Variants in TRPS1 observed in about 807,000 individuals in gnomAD.
The protein encoded by TRPS1 is transcriptional repressor GATA binding 1, also known as zinc finger transcription factor Trps1.
A neutral mutation model predicts 101.2 loss-of-function variants in TRPS1; 6 were observed. The ratio of observed to expected loss-of-function variants is 0.06; its 90% CI spans 0.03 to 0.12. The LOEUF (loss-of-function observed/expected upper bound fraction) is 0.12. Ranked by LOEUF, TRPS1 falls within the 10% of genes least tolerant of loss-of-function variation. TRPS1 has a pLI of 1.00. For synonymous variants in TRPS1, 578 were observed against 589.8 expected (o/e 0.98, Z 0.29); for missense variants, 1,363 against 1,567.0 (o/e 0.87, Z 2.20).
At chr8:115,544,011 G>C (rs1366957833) in intron 5 of TRPS1, among the ~76,000 whole-genome samples, 1 of 151,920 alleles carries the variant, frequency 6.6e-6, no homozygotes, top group East Asian at 1.9e-4. Context: ...CAAGACAAAA[G>C]TGAACAAGAA....
chr8:115,433,089 TTTGAA>T lies in TRPS1; in HGVS notation c.2701-14642_2701-14638del, dbSNP rs549006159. Among the ~76,000 whole-genome samples the T allele has an allele frequency of 5.9e-4, 90 of 151,980 alleles. 1 individual carries two copies. Among genetic ancestry groups the T allele is most frequent in the Non-Finnish European group, 1.1e-3 (78 of 67,912 alleles). ...CAGTTAAGAAGTGATATAGAAAGAA[TTTGAA>T]AATATCACCATAAAGTTTGTTAATA... On this transcript the variant is annotated intron_variant, in intron 5 of 6. Transcript: ENST00000395715.
At chr8:115,440,842 T>C (rs1189919511) in intron 5 of TRPS1, among the ~76,000 whole-genome samples, 1 of 152,228 alleles carries the variant, frequency 6.6e-6, no homozygotes, top group East Asian at 1.9e-4. Flanking sequence ...GTTTTTCTTT[T>C]GAAGTCTGCT....
At chr8:115,499,497 C>CA (rs1336118597) in intron 5 of TRPS1, among the ~76,000 whole-genome samples, 1 of 151,982 alleles carries the variant, frequency 6.6e-6, no homozygotes, top group East Asian at 1.9e-4. Context: ...CTGGTGAAGA[C>CA]AAAATCTTCT....
At chr8:115,472,497 T>C (rs1814497902) in intron 5 of TRPS1, among the ~76,000 whole-genome samples, 1 of 152,196 alleles carries the variant, frequency 6.6e-6, no homozygotes, top group South Asian at 2.1e-4. Context: ...GCCTCTGACA[T>C]ACCCTGGAGA....
chr8:115,595,225 G>A (rs1417698400), intron 4 of TRPS1, among the ~76,000 whole-genome samples: 1 of 151,886 alleles, frequency 6.6e-6, no homozygotes, highest in Non-Finnish European at 1.5e-5. Flanking sequence ...AATAAAGTTA[G>A]TCATTTTTGT....
Position 115,619,920 on chromosome 8 carries a change from C to A in TRPS1, c.178G>T (p.Asp60Tyr). The A allele has an allele frequency of 2.5e-6, 4 of 1,614,190 alleles. No homozygotes were observed. In the South Asian group the frequency reaches 3.3e-5, roughly 13 times the overall value. ...FSADQMSENT[D>Y]QSDAAELNHK... ...TTTAGTTCTGCAGCATCACTCTGAT[C>A]CGTATTTTCTGACATCTGATCTGCA... is the stretch of plus-strand genomic sequence containing the variant. Residue 60 changes from aspartate to tyrosine, a missense_variant, in exon 3 of 7, where the codon GAT becomes TAT. Around this residue, in one of 5 missense-constraint regions of TRPS1, gnomAD observed 1,020 missense variants for 1,073.0 expected, o/e 0.95. Coordinates refer to ENST00000395715, the MANE Select transcript of TRPS1 (RefSeq NM_014112.5).
At chr8:115,543,664 G>T (rs1232671216) in intron 5 of TRPS1, among the ~76,000 whole-genome samples, 1 of 151,898 alleles carries the variant, frequency 6.6e-6, no homozygotes, top group Non-Finnish European at 1.5e-5. Context: ...TTTAAGCCAA[G>T]AATCTTTCTT....
At chr8:115,517,787 T>C (rs1357109352) in intron 5 of TRPS1, among the ~76,000 whole-genome samples, 1 of 151,716 alleles carries the variant, frequency 6.6e-6, no homozygotes, top group East Asian at 1.9e-4. Flanking sequence ...ATCTCAAACC[T>C]TTGTCAGTCT....
At chr8:115,606,072 T>G (rs1818031165) in intron 3 of TRPS1, among the ~76,000 whole-genome samples, 1 of 152,222 alleles carries the variant, frequency 6.6e-6, no homozygotes, top group Non-Finnish European at 1.5e-5. Flanking sequence ...ATTAAGCAAG[T>G]GGCATAATCA....
chr8:115,535,089 A>G (rs62513006), intron 5 of TRPS1, among the ~76,000 whole-genome samples: 2 of 148,274 alleles, frequency 1.3e-5, no homozygotes, highest in African/African-American at 2.5e-5. Flanking sequence ...TATAGCATAT[A>G]TATCGCATAT....
At chr8:115,441,030 C>A (rs549343381) in intron 5 of TRPS1, among the ~76,000 whole-genome samples, 1 of 152,252 alleles carries the variant, frequency 6.6e-6, no homozygotes, top group African/African-American at 2.4e-5. Flanking sequence ...CTCTGAACAA[C>A]ATCTGGTAAC....
intron 1 of TRPS1, among the ~76,000 whole-genome samples, chr8:115,635,108 T>C (rs188212366): frequency 3.7e-4 from 57 of 152,320 alleles, no homozygotes; most frequent in Non-Finnish European, 6.5e-4. Context: ...GATAGCACTG[T>C]TCAAGAATAT....
intron 5 of TRPS1, among the ~76,000 whole-genome samples, chr8:115,524,830 C>T (rs1815955646): frequency 6.6e-6 from 1 of 152,080 alleles, no homozygotes; most frequent in Non-Finnish European, 1.5e-5. Flanking sequence ...ATCTTAGTAT[C>T]GATCAACATA....
intron 1 of TRPS1, among the ~76,000 whole-genome samples, chr8:115,657,563 C>G (rs1811703215): frequency 6.6e-6 from 1 of 152,112 alleles, no homozygotes; most frequent in South Asian, 2.1e-4. Flanking sequence ...CTAAAACATA[C>G]TGATGGTGAG....
At chr8:115,442,968 C>A (rs1389741556) in intron 5 of TRPS1, among the ~76,000 whole-genome samples, 1 of 151,802 alleles carries the variant, frequency 6.6e-6, no homozygotes, top group East Asian at 1.9e-4. Context: ...TGGTGGCGGG[C>A]GCCTGTAGTC....
intron 1 of TRPS1, among the ~76,000 whole-genome samples, chr8:115,633,662 A>G (rs1217705884): frequency 6.6e-6 from 1 of 152,180 alleles, no homozygotes; most frequent in Non-Finnish European, 1.5e-5. Context: ...AGAAGACCGG[A>G]GGGAACAGAT....
intron 5 of TRPS1, among the ~76,000 whole-genome samples, chr8:115,485,096 A>G (rs1047501883): frequency 6.6e-6 from 1 of 152,164 alleles, no homozygotes; most frequent in African/African-American, 2.4e-5. Flanking sequence ...AGGTTATCCA[A>G]TTGGGCTTGA....
chr8:115,662,122 C>T (rs1811812335), intron 1 of TRPS1, among the ~76,000 whole-genome samples: 1 of 151,922 alleles, frequency 6.6e-6, no homozygotes, highest in South Asian at 2.1e-4. Context: ...AAAAGGAATG[C>T]CTACGATTTG....
chr8:115,556,129 A>G (rs1229420289), intron 5 of TRPS1, among the ~76,000 whole-genome samples: 1 of 152,194 alleles, frequency 6.6e-6, no homozygotes, highest in Non-Finnish European at 1.5e-5. Context: ...CAGGGATGGT[A>G]AAAGATTACC....
Sources: gnomAD v4.1 joint callset for allele counts (sites outside exome capture counted in the v4.1 genomes callset) on GRCh38, gnomAD v4.1.1 for gene constraint, gnomAD v4.1.1 regional missense constraint, MANE v1.5 for transcripts, NCBI Gene and HGNC (gene_info 2026-07-23, HGNC 2026-07-21) for gene names.